Variants in C3orf49 observed in about 807,000 individuals in gnomAD.
C3orf49 encodes the protein chromosome 3 open reading frame 49.
A neutral mutation model predicts 13.3 loss-of-function variants in C3orf49; 27 were observed. The ratio of observed to expected loss-of-function variants is 2.02; its 90% CI spans 1.49 to 2.79. The LOEUF (loss-of-function observed/expected upper bound fraction) is 2.79. Among genes scored for constraint, C3orf49 ranks in the 30% most tolerant of loss-of-function variants. The pLI, the probability that C3orf49 is intolerant of heterozygous loss-of-function variation, is 0.00. For synonymous variants in C3orf49, 87 were observed against 47.6 expected (o/e 1.83, Z -3.40); for missense variants, 242 against 134.2 (o/e 1.80, Z -3.97).
chr3:63,803,682 A>G, the C3orf49 span, among the ~76,000 whole-genome samples: 2 of 151,976 alleles, frequency 1.3e-5, no homozygotes, highest in African/African-American at 4.8e-5. Flanking sequence ...GGTCTAAGAA[A>G]CTCTGACCTT....
At chr3:63,841,855 A>G (rs564696986) in intron 5 of C3orf49, among the ~76,000 whole-genome samples, 1 of 152,288 alleles carries the variant, frequency 6.6e-6, no homozygotes, top group East Asian at 1.9e-4. Context: ...TAGTGGGTGA[A>G]TCTGGTGGCA....
chr3:63,782,147 G>C, the C3orf49 span, among the ~76,000 whole-genome samples: 1 of 152,162 alleles, frequency 6.6e-6, no homozygotes, highest in South Asian at 2.1e-4. Context: ...CTTGAGGATA[G>C]AGAGAGATAA....
intron 5 of C3orf49, chr3:63,836,447 A>G (rs1320332094): frequency 3.3e-6 from 4 of 1,205,958 alleles, no homozygotes; most frequent in Non-Finnish European, 4.8e-6. Flanking sequence ...ACCTCTCCTA[A>G]TCACTTTCCT....
chr3:63,814,277 T>G, the C3orf49 span, among the ~76,000 whole-genome samples: 2 of 152,132 alleles, frequency 1.3e-5, no homozygotes, highest in Admixed American at 1.3e-4. Flanking sequence ...GATCACATTT[T>G]TAAATGTGCG....
upstream of C3orf49, among the ~76,000 whole-genome samples, chr3:63,818,552 C>T (rs1701349393): frequency 6.6e-6 from 1 of 152,202 alleles, no homozygotes; most frequent in Non-Finnish European, 1.5e-5. Context: ...TTTGTGTGCA[C>T]TTGAAAGCTT....
At chr3:63,811,924 A>C in the C3orf49 span, among the ~76,000 whole-genome samples, 3 of 151,458 alleles carry the variant, frequency 2.0e-5, no homozygotes, top group African/African-American at 7.3e-5. Context: ...AAATAAAATT[A>C]ATTTAAAATT....
At position 63,823,553 on chromosome 3, in the gene C3orf49, A is replaced by G; in HGVS notation, c.429A>G (p.Arg143=). Reference sequence around the variant, plus strand: ...CCAAGTTATTTACAGCAAAAATGAGAAAGCTCTCAGAGAATGGTAATCATA... The same window carrying G: ...CCAAGTTATTTACAGCAAAAATGAGGAAGCTCTCAGAGAATGGTAATCATA... The part of the protein sequence containing the change: ...SSPKLFTAKM[R]KLSENATIQL... The change falls in exon 2 of 7, where the codon AGA becomes AGG. Residue 143 remains arginine, a synonymous_variant. Coordinates refer to ENST00000295896, the MANE Select transcript of C3orf49 (RefSeq NM_001355236.2). 1.4e-6 allele frequency: 1 copy of G among 698,904 alleles called. No homozygotes were observed. Among genetic ancestry groups the G allele is most frequent in the Non-Finnish European group, 2.6e-6 (1 of 383,538 alleles). 43.3% of individuals were successfully genotyped at this position (698,904 alleles called of 1,614,324 possible).
chr3:63,804,674 C>A, the C3orf49 span, among the ~76,000 whole-genome samples: 1 of 152,150 alleles, frequency 6.6e-6, no homozygotes, highest in Non-Finnish European at 1.5e-5. Flanking sequence ...ACTGCATTTA[C>A]AATTTTATGT....
chr3:63,836,477 T>C (rs1274396049), intron 5 of C3orf49: 9 of 890,130 alleles, frequency 1.0e-5, no homozygotes, highest in Non-Finnish European at 1.6e-5. Context: ...AGAAATGAAA[T>C]CACTGAAAGA....
chr3:63,783,925 C>T, the C3orf49 span, among the ~76,000 whole-genome samples: 3 of 151,944 alleles, frequency 2.0e-5, no homozygotes, highest in Non-Finnish European at 1.5e-5. Context: ...AGGACTTGAA[C>T]AAGTGATTTC....
rs551079035 is a variant in C3orf49, at chr3:63,819,445, C to T, written c.-27C>T. 10 of 700,576 alleles carry T rather than the reference C, an allele frequency of 1.4e-5. No homozygotes were observed. The highest frequency in any genetic ancestry group is 8.9e-5 in the South Asian group (6 of 67,278). The allele number at this position is 700,576 out of a possible 1,614,324, so 43.4% of individuals were successfully genotyped here. A position where few individuals can be genotyped will look rare whatever the true frequency, so the allele number is the denominator to read the frequency against. On this transcript the variant is annotated 5_prime_UTR_variant, in exon 1 of 7. The change creates a new upstream start codon in the 5' untranslated region. Coordinates refer to ENST00000295896, the MANE Select transcript of C3orf49 (RefSeq NM_001355236.2). ...GTTCAAGAACTAAAACAATCCAAAA[C>T]GGCTACTACAGGTGAAGTTGAGAGC...
At chr3:63,803,426 T>C in the C3orf49 span, among the ~76,000 whole-genome samples, 10 of 152,288 alleles carry the variant, frequency 6.6e-5, no homozygotes, top group Non-Finnish European at 7.3e-5. Flanking sequence ...GAGAAGAATG[T>C]CCCTCTGCTA....
chr3:63,825,754 T>C (rs1320491597), intron 2 of C3orf49, among the ~76,000 whole-genome samples: 3 of 152,200 alleles, frequency 2.0e-5, no homozygotes, highest in African/African-American at 7.2e-5. Flanking sequence ...AGCCACAATA[T>C]TTGGGATAGA....
the C3orf49 span, chr3:63,782,356 T>G: frequency 2.6e-5 from 4 of 152,158 alleles, no homozygotes; most frequent in South Asian, 8.3e-4. Context: ...ACATAAAAAT[T>G]TAATAATGAA....
At chr3:63,802,394 A>C in the C3orf49 span, among the ~76,000 whole-genome samples, 1 of 152,262 alleles carries the variant, frequency 6.6e-6, no homozygotes, top group African/African-American at 2.4e-5. Flanking sequence ...GGATATGCCA[A>C]ACCCCAAATA....
the C3orf49 span, among the ~76,000 whole-genome samples, chr3:63,804,540 T>C: frequency 6.6e-6 from 1 of 152,172 alleles, no homozygotes; most frequent in Non-Finnish European, 1.5e-5. Flanking sequence ...CTTCTTTATC[T>C]ATTCAATTCC....
Position 63,829,414 on chromosome 3 carries a change from G to T in C3orf49, c.570+1689G>T, listed in dbSNP as rs191968056. Reference sequence around the variant, plus strand: ...ACCCCTATCTCACACCATATACAAAGATTAATTTCTGTTCAGTTATAGATT... The same window carrying T: ...ACCCCTATCTCACACCATATACAAATATTAATTTCTGTTCAGTTATAGATT... On this transcript the variant is annotated intron_variant, in intron 3 of 6. Coordinates refer to ENST00000295896, the MANE Select transcript of C3orf49 (RefSeq NM_001355236.2). 2.2e-3 allele frequency among the ~76,000 whole-genome samples: 341 copies of T among 152,250 alleles called. 1 individual carries two copies. Among genetic ancestry groups the T allele is most frequent in the African/African-American group, 8.1e-3 (335 of 41,530 alleles).
chr3:63,843,676 G>A (rs1366913947), intron 5 of C3orf49, among the ~76,000 whole-genome samples: 3 of 152,180 alleles, frequency 2.0e-5, no homozygotes, highest in South Asian at 2.1e-4. Flanking sequence ...CAAGGTGGGC[G>A]CATCACGAGG....
intron 5 of C3orf49, chr3:63,839,590 A>T: frequency 7.6e-7 from 1 of 1,316,324 alleles, no homozygotes; most frequent in Non-Finnish European, 1.1e-6. Flanking sequence ...TACTCACAGG[A>T]CCTTAATATA....
Sources: gnomAD v4.1 joint callset for allele counts (sites outside exome capture counted in the v4.1 genomes callset) on GRCh38, gnomAD v4.1.1 for gene constraint, MANE v1.5 for transcripts, NCBI Gene and HGNC (gene_info 2026-07-23, HGNC 2026-07-21) for gene names.